APLP2: variants seen among roughly 807,000 people sequenced by gnomAD.
APLP2 encodes the protein amyloid beta precursor like protein 2.
APLP2 carries 53 observed loss-of-function variants against 89.9 expected under a neutral mutation model. The ratio of observed to expected loss-of-function variants is 0.59; its 90% CI spans 0.47 to 0.74. APLP2 has a LOEUF of 0.74. APLP2 is among the 30% of genes least tolerant of loss of function. APLP2 has a pLI of 0.00. For missense variants in APLP2, 973 were observed against 975.9 expected, an observed-to-expected ratio of 1.00 and a Z score of 0.04; for synonymous variants, 372 against 348.6, an observed-to-expected ratio of 1.07 and a Z score of -0.75.
intron 9 of APLP2, among the ~76,000 whole-genome samples, chr11:130,128,119 C>T (rs1950574015): frequency 6.6e-6 from 1 of 152,196 alleles, no homozygotes; most frequent in African/African-American, 2.4e-5. Flanking sequence ...AAGTCCTCTG[C>T]CATTTTCAGT....
In APLP2 at chr11:130,141,201, T is replaced by A. The variant is rs1280722886; in HGVS notation, c.1924-297T>A. On this transcript the variant is annotated intron_variant, in intron 14 of 16. Coordinates refer to ENST00000338167, the MANE Select transcript of APLP2 (RefSeq NM_001142276.2). This position sits in a 1 kb window ranked among gnomAD's most constrained non-coding sequence, Gnocchi z 4.2. Reference sequence around the variant, plus strand: ...GATTACAGGCGTGAGCCACCGCGCCTGGTGTAAACGGGGCTTTTTGGCAGT... The same window carrying A: ...GATTACAGGCGTGAGCCACCGCGCCAGGTGTAAACGGGGCTTTTTGGCAGT... 9 of 316,140 alleles carry A rather than the reference T, an allele frequency of 2.8e-5. No homozygotes were observed. The highest frequency in any genetic ancestry group is 4.7e-5 in the Non-Finnish European group (8 of 169,860). 19.6% of individuals were successfully genotyped at this position (316,140 alleles called of 1,614,324 possible).
In APLP2 at chr11:130,113,357, A is replaced by T. The variant is rs186652891; in HGVS notation, c.403+2696A>T. On this transcript the variant is annotated intron_variant, in intron 3 of 16. Transcript: ENST00000338167. ...TAGTATTGTCGTTAATGAAATGCATAAAAGACAGTTTAACCATAATCCATT... is the reference window on the plus strand; with the variant it reads ...TAGTATTGTCGTTAATGAAATGCATTAAAGACAGTTTAACCATAATCCATT... Among the ~76,000 whole-genome samples, 307 of 152,366 alleles carry T rather than the reference A, an allele frequency of 2.0e-3. 1 individual carries two copies. Among genetic ancestry groups the T allele is most frequent in the Middle Eastern group, 6.8e-3 (2 of 294 alleles).
intron 1 of APLP2, among the ~76,000 whole-genome samples, chr11:130,097,036 G>A (rs2135625303): frequency 6.6e-6 from 1 of 152,346 alleles, no homozygotes; most frequent in South Asian, 2.1e-4. Context: ...CAGATCTGCT[G>A]TAAGCTGGTA....
At chr11:130,070,809 A>G (rs1481651516) in intron 1 of APLP2, 1 of 1,272,752 alleles carries the variant, frequency 7.9e-7, no homozygotes, top group African/African-American at 1.5e-5. Context: ...AAGGCGTGTA[A>G]ACTGTTGGAA....
chr11:130,131,384 C>T (rs1276777226), intron 11 of APLP2, among the ~76,000 whole-genome samples: 1 of 152,152 alleles, frequency 6.6e-6, no homozygotes, highest in Non-Finnish European at 1.5e-5. Context: ...CAGGTGTGAG[C>T]CACCACTCCC....
At chr11:130,095,510 T>C (rs375537758) in intron 1 of APLP2, among the ~76,000 whole-genome samples, 3 of 152,148 alleles carry the variant, frequency 2.0e-5, no homozygotes, top group African/African-American at 7.2e-5. Context: ...AAATAAAACA[T>C]GTTGTGTAGA....
chr11:130,092,728 A>C (rs1169462662), intron 1 of APLP2, among the ~76,000 whole-genome samples: 1 of 145,666 alleles, frequency 6.9e-6, no homozygotes, highest in African/African-American at 2.6e-5. Flanking sequence ...GGGGAGGGAG[A>C]GGGAGCTCTG....
rs1952365329 is a variant in APLP2 at position 130,141,386 on chromosome 11, C to G, written c.1924-112C>G. The G allele has an allele frequency of 8.1e-6, 7 of 863,176 alleles. No individual in the cohort carries two copies. The highest frequency in any genetic ancestry group is 1.1e-5 in the Non-Finnish European group (6 of 529,272). The allele number at this position is 863,176 out of a possible 1,614,324, so 53.5% of individuals were successfully genotyped here. ...AACTGGTTGGTTAATGGGGGTCCCA[C>G]AGGTACCTGCTTCCTTCCATCAAGC... On this transcript the variant is annotated intron_variant, in intron 14 of 16. Coordinates refer to ENST00000338167, the MANE Select transcript of APLP2 (RefSeq NM_001142276.2). The surrounding 1 kb of genome is among the most constrained non-coding windows in gnomAD (Gnocchi z 4.2).
chr11:130,070,352 C>G (rs1014454819), intron 1 of APLP2, among the ~76,000 whole-genome samples: 3 of 151,470 alleles, frequency 2.0e-5, no homozygotes, highest in East Asian at 3.9e-4. Flanking sequence ...GACCCAGCCC[C>G]CAACCCGCCC....
chr11:130,132,873 C>T (rs1052986851), intron 11 of APLP2, among the ~76,000 whole-genome samples: 1 of 152,104 alleles, frequency 6.6e-6, no homozygotes, highest in Non-Finnish European at 1.5e-5. Flanking sequence ...CCAGTAATTT[C>T]AGTCTTTTTT....
intron 3 of APLP2, among the ~76,000 whole-genome samples, chr11:130,118,011 A>C (rs1949395763): frequency 6.7e-6 from 1 of 149,864 alleles, no homozygotes; most frequent in Admixed American, 6.7e-5. Context: ...CGGGAGGCAG[A>C]GTTTGTAGTG....
intron 2 of APLP2, among the ~76,000 whole-genome samples, chr11:130,110,328 G>A (rs566616684): frequency 6.6e-6 from 1 of 152,236 alleles, no homozygotes; most frequent in Non-Finnish European, 1.5e-5. Flanking sequence ...AACAGAATGC[G>A]TGGAAGTGTT....
chr11:130,121,860 C>A lies in APLP2; in HGVS notation c.713+50C>A, dbSNP rs762869004. 6 of 1,580,576 alleles carry A rather than the reference C, an allele frequency of 3.8e-6. No individual in the cohort carries two copies. The Admixed American group carries it at 1.0e-4, about 27-fold the overall frequency. On this transcript the variant is annotated intron_variant, in intron 5 of 16. Coordinates refer to ENST00000338167, the MANE Select transcript of APLP2 (RefSeq NM_001142276.2). ...AAGTCGTTTTGCCTTTTTGTTAGCC[C>A]TTCTGTAAAGACGGCTGTTGGCTGC...
chr11:130,092,585 C>T (rs923691496), intron 1 of APLP2, among the ~76,000 whole-genome samples: 2 of 148,562 alleles, frequency 1.3e-5, no homozygotes, highest in Non-Finnish European at 3.0e-5. Context: ...GCGGCGCGTG[C>T]CTGCAATCGC....
chr11:130,142,209 T>C (rs2136167186), intron 16 of APLP2, 135 bp downstream of exon 16: 2 of 1,048,654 alleles, frequency 1.9e-6, no homozygotes, highest in South Asian at 5.0e-5. Context: ...ACTCACTGGA[T>C]TCCTAGGTCG....
chr11:130,141,672 C>A lies in APLP2; in HGVS notation c.1998+100C>A. The A allele has an allele frequency of 9.3e-7, 1 of 1,077,166 alleles. No individual in the cohort carries two copies. Among genetic ancestry groups the A allele is most frequent in the Non-Finnish European group, 1.4e-6 (1 of 725,468 alleles). The allele number at this position is 1,077,166 out of a possible 1,614,324, so 66.7% of individuals were successfully genotyped here. ...GTAGAAAACGGGAGAGATGCCTGAG[C>A]TAATAAGGGTCCCTCATCCCCAGCT... On this transcript the variant is annotated intron_variant, in intron 15 of 16. Transcript: ENST00000338167. The surrounding 1 kb of genome is among the most constrained non-coding windows in gnomAD (Gnocchi z 4.2).
At chr11:130,107,344 A>C (rs1264645717) in intron 1 of APLP2, among the ~76,000 whole-genome samples, 1 of 152,210 alleles carries the variant, frequency 6.6e-6, no homozygotes, top group African/African-American at 2.4e-5. Context: ...ATGGGGATTG[A>C]GGGTTAGATT....
intron 13 of APLP2, chr11:130,137,156 A>T: frequency 9.3e-7 from 1 of 1,073,628 alleles, no homozygotes. Context: ...TTCACATTAT[A>T]GAGAAATTCT....
intron 1 of APLP2, among the ~76,000 whole-genome samples, chr11:130,071,292 T>C (rs1183470253): frequency 2.0e-5 from 3 of 152,218 alleles, no homozygotes; most frequent in Non-Finnish European, 4.4e-5. Context: ...ATAAAAAGCC[T>C]CTCTGATGGA....
Sources: gnomAD v4.1 joint callset for allele counts (sites outside exome capture counted in the v4.1 genomes callset) on GRCh38, gnomAD v4.1.1 for gene constraint, Gnocchi (gnomAD v3.1) non-coding constraint, MANE v1.5 for transcripts, NCBI Gene and HGNC (gene_info 2026-07-23, HGNC 2026-07-21) for gene names.